The following TAFA5 variants were observed in gnomAD, a reference collection of about 807,000 sequenced individuals.
The protein encoded by TAFA5 is TAFA chemokine like family member 5.
A neutral mutation model predicts 15.3 loss-of-function variants in TAFA5; 6 were observed. That is an observed-to-expected ratio of 0.39 (90% CI 0.21 to 0.77). The LOEUF is 0.77. Ranked by LOEUF, TAFA5 falls within the 30% of genes least tolerant of loss-of-function variation. The pLI, the probability that TAFA5 is intolerant of heterozygous loss-of-function variation, is 0.41. For missense variants in TAFA5, 161 were observed against 193.1 expected (o/e 0.83, Z 0.98); for synonymous variants, 103 against 80.7 (o/e 1.28, Z -1.48).
chr22:48,551,380 G>A (rs1359404449), intron 1 of TAFA5, among the ~76,000 whole-genome samples: 1 of 152,172 alleles, frequency 6.6e-6, no homozygotes, highest in Non-Finnish European at 1.5e-5. Flanking sequence ...TAGCCCCAGT[G>A]TCAACAGCAG....
chr22:48,620,986 C>T (rs1925803413), intron 1 of TAFA5, among the ~76,000 whole-genome samples: 1 of 138,366 alleles, frequency 7.2e-6, no homozygotes, highest in Non-Finnish European at 1.5e-5. Flanking sequence ...ATCCATCCAC[C>T]CACCCACCCA....
intron 1 of TAFA5, among the ~76,000 whole-genome samples, chr22:48,629,269 A>C (rs1601626842): frequency 6.6e-6 from 1 of 152,130 alleles, no homozygotes; most frequent in South Asian, 2.1e-4. Context: ...TGCTCAGCTC[A>C]CACGCCCTCT....
At chr22:48,495,638 C>T (rs539413185) in intron 1 of TAFA5, among the ~76,000 whole-genome samples, 1 of 152,346 alleles carries the variant, frequency 6.6e-6, no homozygotes, top group South Asian at 2.1e-4. Flanking sequence ...GTCCCAAAGA[C>T]ATCTTGCCCG....
chr22:48,634,207 C>T (rs1926355789), intron 1 of TAFA5, among the ~76,000 whole-genome samples: 1 of 152,114 alleles, frequency 6.6e-6, no homozygotes, highest in African/African-American at 2.4e-5. Context: ...CCATCACTCA[C>T]TCATTGACTA....
In TAFA5 at chr22:48,642,427, G is replaced by A. The variant is rs1233267198; in HGVS notation, c.113-4170G>A. 3.9e-5 allele frequency among the ~76,000 whole-genome samples: 6 copies of A among 152,194 alleles called. No individual in the cohort carries two copies. In the East Asian group the frequency reaches 5.8e-4, roughly 15 times the overall value. ...ACAGCTCCTGACTCCTGGTGGGCCC[G>A]CCCTCCCTTCTGAACCCCCCTTTCT... On this transcript the variant is annotated intron_variant, in intron 1 of 3. Transcript: ENST00000402357.
At chr22:48,518,042 G>A (rs1921476361) in intron 1 of TAFA5, among the ~76,000 whole-genome samples, 1 of 152,214 alleles carries the variant, frequency 6.6e-6, no homozygotes, top group Admixed American at 6.5e-5. Context: ...ACAGGCGGCT[G>A]GATGGGCAGG....
chr22:48,699,046 A>C (rs924860156), intron 2 of TAFA5, among the ~76,000 whole-genome samples: 1 of 147,798 alleles, frequency 6.8e-6, no homozygotes. Flanking sequence ...GGTTCAAGTG[A>C]TTCCCCTGCC....
In TAFA5 at chr22:48,521,355, G is replaced by A. The variant is rs143510678; in HGVS notation, c.112+31651G>A. ...AGATCACGGCCCAGGGACCCCTGGCGTTCAGTTTGCAGACATTCTCTTGCC... is the reference window on the plus strand; with the variant it reads ...AGATCACGGCCCAGGGACCCCTGGCATTCAGTTTGCAGACATTCTCTTGCC... On this transcript the variant is annotated intron_variant, in intron 1 of 3. Coordinates refer to ENST00000402357, the MANE Select transcript of TAFA5 (RefSeq NM_001082967.3). Among the ~76,000 whole-genome samples, 55 of 152,250 alleles carry A rather than the reference G, an allele frequency of 3.6e-4. No individual in the cohort carries two copies. In the East Asian group the frequency reaches 9.1e-3, roughly 25 times the overall value.
intron 3 of TAFA5, among the ~76,000 whole-genome samples, chr22:48,732,460 G>C (rs1325999684): frequency 2.6e-5 from 4 of 152,192 alleles, no homozygotes; most frequent in African/African-American, 9.6e-5. Context: ...GTTTCACCGT[G>C]TTAGCCAGGA....
chr22:48,724,781 G>A (rs1359391018), intron 3 of TAFA5, among the ~76,000 whole-genome samples: 1 of 152,206 alleles, frequency 6.6e-6, no homozygotes, highest in Non-Finnish European at 1.5e-5. Flanking sequence ...AGAAACTAGT[G>A]ATCAGAGGGT....
chr22:48,601,895 C>T (rs1924986725), intron 1 of TAFA5, among the ~76,000 whole-genome samples: 1 of 152,244 alleles, frequency 6.6e-6, no homozygotes, highest in Non-Finnish European at 1.5e-5. Flanking sequence ...TTCCTCCACA[C>T]AGTCGCACAC....
At chr22:48,564,229 G>A (rs1415538676) in intron 1 of TAFA5, among the ~76,000 whole-genome samples, 2 of 152,268 alleles carry the variant, frequency 1.3e-5, no homozygotes, top group African/African-American at 4.8e-5. Context: ...GCAGCCTGAG[G>A]ATGGCAGGAA....
intron 2 of TAFA5, among the ~76,000 whole-genome samples, chr22:48,694,760 C>A (rs887844984): frequency 1.4e-4 from 21 of 151,224 alleles, no homozygotes; most frequent in African/African-American, 5.1e-4. Flanking sequence ...CAAGGGCTGC[C>A]CACCGCTCAG....
chr22:48,627,037 G>A (rs1456311867), intron 1 of TAFA5, among the ~76,000 whole-genome samples: 1 of 152,202 alleles, frequency 6.6e-6, no homozygotes, highest in African/African-American at 2.4e-5. Flanking sequence ...CCTTCACTGT[G>A]GCAGCAGCCC....
At position 48,560,594 on chromosome 22, in the gene TAFA5, T is replaced by A. The variant is rs944289948; in HGVS notation, c.112+70890T>A. 2.7e-3 allele frequency among the ~76,000 whole-genome samples: 398 copies of A among 148,748 alleles called. 3 individuals carry two copies. The highest frequency in any genetic ancestry group is 8.6e-3 in the African/African-American group (350 of 40,852). On this transcript the variant is annotated intron_variant, in intron 1 of 3. Transcript: ENST00000402357. This position sits in a 1 kb window ranked among gnomAD's most constrained non-coding sequence, Gnocchi z 4.2. ...TATTATTATTATTATTATTATTATA[T>A]TATTATTATTAATTATTTATTTATT...
At chr22:48,525,848 C>A (rs1451022274) in intron 1 of TAFA5, among the ~76,000 whole-genome samples, 1 of 152,198 alleles carries the variant, frequency 6.6e-6, no homozygotes, top group Non-Finnish European at 1.5e-5. Flanking sequence ...CTGAGGTCGC[C>A]CCTGCAGAGG....
intron 1 of TAFA5, among the ~76,000 whole-genome samples, chr22:48,590,246 G>C (rs1924515607): frequency 6.6e-6 from 1 of 152,170 alleles, no homozygotes; most frequent in Non-Finnish European, 1.5e-5. Flanking sequence ...TCGGGGTTGG[G>C]GTGGCCAGCC....
At chr22:48,671,733 C>G (rs2147222549) in intron 2 of TAFA5, among the ~76,000 whole-genome samples, 1 of 152,286 alleles carries the variant, frequency 6.6e-6, no homozygotes, top group South Asian at 2.1e-4. Context: ...AACAGTGGCC[C>G]CTCTCTGAAA....
chr22:48,576,443 C>G (rs762387102), intron 1 of TAFA5: 1 of 1,359,026 alleles, frequency 7.4e-7, no homozygotes, highest in South Asian at 1.8e-5. Flanking sequence ...ACCTTCGCTG[C>G]GCGACTTCGG....
Sources: allele counts gnomAD v4.1 joint callset (sites outside exome capture counted in the v4.1 genomes callset), GRCh38; gene constraint gnomAD v4.1.1; non-coding constraint Gnocchi (gnomAD v3.1); transcripts MANE v1.5; gene names NCBI Gene and HGNC (gene_info 2026-07-23, HGNC 2026-07-21).